The following LVRN variants were observed in gnomAD, a reference collection of about 807,000 sequenced individuals.
The protein encoded by LVRN is laeverin, also known as aminopeptidase Q.
LVRN carries 99 observed loss-of-function variants against 111.4 expected under a neutral mutation model. That is an observed-to-expected ratio of 0.89 (90% CI 0.76 to 1.05). The LOEUF is 1.05. LVRN is among the 50% of genes least tolerant of loss of function. The probability of loss-of-function intolerance (pLI) is 0.00; values close to 1 mark genes in which losing one functional copy is unlikely to be tolerated. For missense variants in LVRN, 1,414 were observed against 1,206.8 expected (o/e 1.17, Z -2.54); for synonymous variants, 488 against 449.5 (o/e 1.09, Z -1.08).
Position 115,962,534 on chromosome 5 carries a change from C to G in LVRN, c.-84C>G. 1 of 1,244,774 alleles carries G rather than the reference C, an allele frequency of 8.0e-7. No individual in the cohort carries two copies. The highest frequency in any genetic ancestry group is 1.1e-6 in the Non-Finnish European group (1 of 878,650). The allele number at this position is 1,244,774 out of a possible 1,614,324, so 77.1% of individuals were successfully genotyped here. ...GATACAAGAGAGGAGGGGCAGGGGT[C>G]GCAGCACTGAACACCCTGGCCGGGG... On this transcript the variant is annotated 5_prime_UTR_variant, in exon 1 of 20. Coordinates refer to ENST00000357872, the MANE Select transcript of LVRN (RefSeq NM_173800.5).
intron 1 of LVRN, among the ~76,000 whole-genome samples, chr5:115,977,214 T>G (rs948006863): frequency 6.6e-6 from 1 of 152,186 alleles, no homozygotes. Context: ...AGTTACCTCT[T>G]CTCTTATACT....
At chr5:116,016,444 T>C (rs1350213240) in intron 18 of LVRN, among the ~76,000 whole-genome samples, 1 of 152,208 alleles carries the variant, frequency 6.6e-6, no homozygotes, top group Non-Finnish European at 1.5e-5. Context: ...TTTATATTAA[T>C]GGTGTGGAAA....
rs934042179 is a variant in LVRN, at chr5:115,962,556, G to A, written c.-62G>A. The A allele has an allele frequency of 3.4e-6, 5 of 1,475,832 alleles. No homozygotes were observed. The highest frequency in any genetic ancestry group is 1.4e-5 in the African/African-American group (1 of 72,282). 91.4% of individuals were successfully genotyped at this position (1,475,832 alleles called of 1,614,324 possible). A position where few individuals can be genotyped will look rare whatever the true frequency, so the allele number is the denominator to read the frequency against. On this transcript the variant is annotated 5_prime_UTR_variant, in exon 1 of 20. Transcript: ENST00000357872. ...GGTCGCAGCACTGAACACCCTGGCC[G>A]GGGTTTTGACAGCTGCCACAGTCTC...
rs115599622 is a variant in LVRN, at chr5:115,985,704, T to C, written c.978+995T>C. Among the ~76,000 whole-genome samples the C allele has an allele frequency of 4.0e-3, 615 of 152,306 alleles. 2 individuals are homozygous for C. Among genetic ancestry groups the C allele is most frequent in the Middle Eastern group, 6.8e-3 (2 of 294 alleles). On this transcript the variant is annotated intron_variant, in intron 3 of 19. Coordinates refer to ENST00000357872, the MANE Select transcript of LVRN (RefSeq NM_173800.5). ...CATGCAACACTTTTTCTGAGTTGTG[T>C]AAAGTCAGCACTCTGTCCTGAAATA... is the stretch of plus-strand genomic sequence containing the variant.
intron 1 of LVRN, among the ~76,000 whole-genome samples, chr5:115,966,517 A>T (rs1469114110): frequency 6.6e-6 from 1 of 152,076 alleles, no homozygotes; most frequent in African/African-American, 2.4e-5. Context: ...ATTGTGTACA[A>T]GTTTTTCTCT....
At chr5:115,987,494 A>C (rs569928264) in intron 3 of LVRN, among the ~76,000 whole-genome samples, 9 of 151,956 alleles carry the variant, frequency 5.9e-5, no homozygotes, top group Admixed American at 5.9e-4. Context: ...CAAAGTGCAC[A>C]AAATGCCTAT....
chr5:115,966,515 C>A (rs1270519259), intron 1 of LVRN, among the ~76,000 whole-genome samples: 1 of 152,120 alleles, frequency 6.6e-6, no homozygotes, highest in Non-Finnish European at 1.5e-5. Flanking sequence ...TAATTGTGTA[C>A]AAGTTTTTCT....
intron 10 of LVRN, 85 bp downstream of exon 10, chr5:116,001,324 G>C (rs962636010): frequency 6.9e-7 from 1 of 1,456,766 alleles, no homozygotes; most frequent in Non-Finnish European, 9.5e-7. Context: ...GTGAAGAAGC[G>C]TTACCCCCGC....
rs1747932584 is a variant in LVRN, at chr5:115,989,300, T to C, written c.1105+1361T>C. Among the ~76,000 whole-genome samples the C allele has an allele frequency of 2.0e-5, 3 of 152,176 alleles. No individual in the cohort carries two copies. The South Asian group carries it at 6.2e-4, about 31-fold the overall frequency. On this transcript the variant is annotated intron_variant, in intron 4 of 19. Coordinates refer to ENST00000357872, the MANE Select transcript of LVRN (RefSeq NM_173800.5). ...GGCAGTTCCTGAGTGGGAAGGATGC[T>C]CTAGCACTGTCTCTGCTCACTCCTA...
chr5:115,969,267 AT>A (rs1019891452), intron 1 of LVRN, among the ~76,000 whole-genome samples: 6 of 151,136 alleles, frequency 4.0e-5, no homozygotes, highest in South Asian at 2.1e-4. Flanking sequence ...ACCATTATTA[AT>A]TTTTTTTTCC....
At chr5:115,998,508 A>C (rs1396151565) in intron 6 of LVRN, among the ~76,000 whole-genome samples, 1 of 152,192 alleles carries the variant, frequency 6.6e-6, no homozygotes, top group Admixed American at 6.6e-5. Context: ...TTAGGGTGCG[A>C]TATTATGGGT....
chr5:115,981,797 T>C (rs1483027412), intron 1 of LVRN, among the ~76,000 whole-genome samples: 1 of 152,182 alleles, frequency 6.6e-6, no homozygotes, highest in African/African-American at 2.4e-5. Context: ...CTGTAACTTA[T>C]CCCTCTTTGA....
intron 6 of LVRN, among the ~76,000 whole-genome samples, chr5:115,996,645 G>A (rs1418519958): frequency 6.6e-6 from 1 of 152,156 alleles, no homozygotes; most frequent in Non-Finnish European, 1.5e-5. Flanking sequence ...CAGCTGATAT[G>A]AATGGATTAT....
In LVRN at chr5:116,015,257, C is replaced by T; in HGVS notation, c.2456C>T (p.Pro819Leu). ...TTTTATGTTATATTTTACAGAATAC[C>T]TTATCCAATTAAAGATGTGGTTTTA... ...KWVDHPENEI[P>L]YPIKDVVLCY... The change falls in exon 17 of 20, where the codon CCT becomes CTT. Residue 819 changes from proline to leucine, a missense_variant. Transcript: ENST00000357872. 1 of 1,587,888 alleles carries T rather than the reference C, an allele frequency of 6.3e-7. No homozygotes were observed. Among genetic ancestry groups the T allele is most frequent in the Non-Finnish European group, 8.6e-7 (1 of 1,168,340 alleles).
intron 1 of LVRN, among the ~76,000 whole-genome samples, chr5:115,972,523 G>A (rs1198422778): frequency 6.6e-6 from 1 of 151,454 alleles, no homozygotes; most frequent in Non-Finnish European, 1.5e-5. Context: ...TACATAGGTT[G>A]TCATACTGTC....
chr5:115,991,886 C>T (rs1747996276), intron 4 of LVRN, among the ~76,000 whole-genome samples: 1 of 152,016 alleles, frequency 6.6e-6, no homozygotes, highest in African/African-American at 2.4e-5. Context: ...TGTAAGCATT[C>T]TTTGTGTATT....
At chr5:116,001,340 A>G in intron 10 of LVRN, 101 bp downstream of exon 10, 2 of 1,337,768 alleles carry the variant, frequency 1.5e-6, no homozygotes, top group Non-Finnish European at 2.1e-6. Context: ...CCCGCTGGGC[A>G]TACACACTTC....
intron 1 of LVRN, chr5:115,975,243 C>T: frequency 2.2e-6 from 1 of 456,036 alleles, no homozygotes; most frequent in Non-Finnish European, 4.3e-6. Flanking sequence ...ACCCCATGTC[C>T]AGCATATTGT....
Position 116,027,454 on chromosome 5 carries a change from C to T in LVRN, c.*1336C>T, listed in dbSNP as rs992569628. 6.6e-6 allele frequency: 1 copy of T among 152,156 alleles called. No individual in the cohort carries two copies. Among genetic ancestry groups the T allele is most frequent in the Non-Finnish European group, 1.5e-5 (1 of 68,034 alleles). 9.4% of individuals were successfully genotyped at this position (152,156 alleles called of 1,614,324 possible). A position where few individuals can be genotyped will look rare whatever the true frequency, so the allele number is the denominator to read the frequency against. ...TGTATTTGATTCACAAGAGGATTCT[C>T]CCTGAGTGTCAGGGGAGGCTGTGGG... On this transcript the variant is annotated 3_prime_UTR_variant, in exon 20 of 20. Coordinates refer to ENST00000357872, the MANE Select transcript of LVRN (RefSeq NM_173800.5).
Sources: gnomAD v4.1 joint callset for allele counts (sites outside exome capture counted in the v4.1 genomes callset) on GRCh38, gnomAD v4.1.1 for gene constraint, MANE v1.5 for transcripts, NCBI Gene and HGNC (gene_info 2026-07-23, HGNC 2026-07-21) for gene names.